The following DISC1 variants were observed in gnomAD, a reference collection of about 807,000 sequenced individuals.
The protein encoded by DISC1 is disrupted in schizophrenia 1 protein.
Under a neutral mutation model 84.5 loss-of-function variants are expected in DISC1, and 57 were observed. The ratio of observed to expected loss-of-function variants is 0.67; its 90% CI spans 0.55 to 0.84. The LOEUF is 0.84. Ranked by LOEUF, DISC1 falls within the 40% of genes least tolerant of loss-of-function variation. The pLI is 0.00. For synonymous variants in DISC1, 411 were observed against 415.2 expected, an observed-to-expected ratio of 0.99 and a Z score of 0.12; for missense variants, 1,000 against 1,057.8, an observed-to-expected ratio of 0.95 and a Z score of 0.76.
chr1:231,851,111 CACTTACTGT>C (rs1272861900), intron 9 of DISC1, among the ~76,000 whole-genome samples: 3 of 152,194 alleles, frequency 2.0e-5, no homozygotes, highest in Non-Finnish European at 4.4e-5. Flanking sequence ...GCTTCTCCTG[CACTTACTGT>C]ACATTCTCAT....
chr1:231,915,942 G>T (rs1005038806), intron 9 of DISC1, among the ~76,000 whole-genome samples: 4 of 152,332 alleles, frequency 2.6e-5, no homozygotes, highest in Admixed American at 2.6e-4. Context: ...CAGTGGACCT[G>T]ACTGACATGA....
chr1:232,031,336 G>A lies in DISC1; in HGVS notation c.2425+4784G>A, dbSNP rs1670025614. Among the ~76,000 whole-genome samples, 1 of 148,456 alleles carries A rather than the reference G, an allele frequency of 6.7e-6. No individual in the cohort carries two copies. Among genetic ancestry groups the A allele is most frequent in the East Asian group, 2.0e-4 (1 of 5,024 alleles). ...GGAAGGAGAGAAAAGGAAAGGAAAA[G>A]GAAAAGAGGAAAGAAAAGGAAAGGG... On this transcript the variant is annotated intron_variant, in intron 12 of 12. Transcript: ENST00000439617. This position sits in a 1 kb window ranked among gnomAD's most constrained non-coding sequence, Gnocchi z 4.6.
intron 9 of DISC1, among the ~76,000 whole-genome samples, chr1:231,824,202 C>CA (rs1390346176): frequency 6.6e-6 from 1 of 152,034 alleles, no homozygotes; most frequent in Non-Finnish European, 1.5e-5. Flanking sequence ...AACAGAGGGC[C>CA]AAGCCGTCTG....
intron 1 of DISC1, among the ~76,000 whole-genome samples, chr1:231,681,464 A>G (rs1207288445): frequency 6.6e-6 from 1 of 151,836 alleles, no homozygotes; most frequent in African/African-American, 2.4e-5. Context: ...CATCAGTACA[A>G]AAAAAAGCTT....
intron 1 of DISC1, among the ~76,000 whole-genome samples, chr1:231,653,218 A>G (rs928485064): frequency 6.6e-6 from 1 of 152,238 alleles, no homozygotes; most frequent in Non-Finnish European, 1.5e-5. Context: ...TCTAAAGCAT[A>G]TATTCTGAAA....
At chr1:231,895,175 A>T (rs1250095595) in intron 9 of DISC1, among the ~76,000 whole-genome samples, 1 of 150,186 alleles carries the variant, frequency 6.7e-6, no homozygotes, top group African/African-American at 2.5e-5. Flanking sequence ...AATTATTGTT[A>T]TCCCACTTTG....
At chr1:231,912,153 G>A (rs1426318763) in intron 9 of DISC1, among the ~76,000 whole-genome samples, 2 of 152,112 alleles carry the variant, frequency 1.3e-5, no homozygotes, top group African/African-American at 2.4e-5. Flanking sequence ...TATTATTACC[G>A]ATCGTTTGAA....
intron 9 of DISC1, among the ~76,000 whole-genome samples, chr1:231,830,463 C>A (rs996375445): frequency 6.6e-6 from 1 of 152,120 alleles, no homozygotes; most frequent in Admixed American, 6.5e-5. Context: ...TCAGCATAGT[C>A]CTGCCAGCAA....
At chr1:231,908,777 C>G (rs575092990) in intron 9 of DISC1, among the ~76,000 whole-genome samples, 1 of 152,238 alleles carries the variant, frequency 6.6e-6, no homozygotes, top group African/African-American at 2.4e-5. Context: ...GCCATTTTCG[C>G]GATATTGATT....
intron 9 of DISC1, among the ~76,000 whole-genome samples, chr1:231,950,239 T>TGTGTGTGTGC (rs1261841568): frequency 6.6e-6 from 1 of 150,614 alleles, no homozygotes; most frequent in Non-Finnish European, 1.5e-5. Context: ...TGTGTGTGTG[T>TGTGTGTGTGC]GTGTGTGTGA....
chr1:231,873,231 A>T (rs2085597815), intron 9 of DISC1, among the ~76,000 whole-genome samples: 3 of 152,328 alleles, frequency 2.0e-5, no homozygotes, highest in Admixed American at 2.0e-4. Flanking sequence ...GTCACTATGA[A>T]AGATTTGGGA....
chr1:231,939,354 G>T (rs961921452), intron 9 of DISC1, among the ~76,000 whole-genome samples: 13 of 152,168 alleles, frequency 8.5e-5, no homozygotes, highest in Non-Finnish European at 1.8e-4. Context: ...ATAAATGAAT[G>T]ACTCCAGCCT....
chr1:231,708,833 A>T (rs1211725524), intron 3 of DISC1, among the ~76,000 whole-genome samples: 2 of 151,390 alleles, frequency 1.3e-5, no homozygotes, highest in Non-Finnish European at 3.0e-5. Context: ...AAAGGAACAG[A>T]TGAGCGCTCT....
intron 3 of DISC1, among the ~76,000 whole-genome samples, chr1:231,719,604 G>C (rs1014747950): frequency 1.3e-5 from 2 of 152,144 alleles, no homozygotes; most frequent in East Asian, 3.8e-4. Flanking sequence ...ATGAGATGGT[G>C]CATGCTAAAT....
intron 9 of DISC1, among the ~76,000 whole-genome samples, chr1:231,832,022 T>C (rs77494379): frequency 0.3 from 44,330 of 149,098 alleles, 6,922 homozygotes; most frequent in Admixed American, 0.35. Flanking sequence ...GGGTGAATGT[T>C]AGGTGGATCA....
At chr1:231,985,174 A>G (rs1033569563) in intron 10 of DISC1, among the ~76,000 whole-genome samples, 2 of 151,514 alleles carry the variant, frequency 1.3e-5, no homozygotes, top group Non-Finnish European at 2.9e-5. Context: ...TACAAAAAAA[A>G]TATTAGCCAG....
At position 231,837,471 on chromosome 1, in the gene DISC1, T is replaced by C. The variant is rs113998365; in HGVS notation, c.1981+18954T>C. 3.6e-3 allele frequency among the ~76,000 whole-genome samples: 541 copies of C among 152,340 alleles called. 4 individuals are homozygous for C. Among genetic ancestry groups the C allele is most frequent in the African/African-American group, 0.013 (534 of 41,568 alleles). On this transcript the variant is annotated intron_variant, in intron 9 of 12. Transcript: ENST00000439617. Reference sequence around the variant, plus strand: ...TCTAAAGCAAATTCTCCTCTGTCTTTTCATTGATTAAATTATATGAAGTCA... The same window carrying C: ...TCTAAAGCAAATTCTCCTCTGTCTTCTCATTGATTAAATTATATGAAGTCA...
chr1:232,039,260 G>A lies in DISC1; in HGVS notation c.*2429G>A, dbSNP rs531881342. On this transcript the variant is annotated 3_prime_UTR_variant, in exon 13 of 13. Coordinates refer to ENST00000439617, the MANE Select transcript of DISC1 (RefSeq NM_018662.3). ...ATTGCCAATAACAAATTCCTACTTCGACATATGTCTTTTCAAAAAGCCTCC... is the reference window on the plus strand; with the variant it reads ...ATTGCCAATAACAAATTCCTACTTCAACATATGTCTTTTCAAAAAGCCTCC... The A allele has an allele frequency of 1.7e-4, 26 of 152,188 alleles. No individual in the cohort carries two copies. Among genetic ancestry groups the A allele is most frequent in the African/African-American group, 6.0e-4 (25 of 41,534 alleles). 9.4% of individuals were successfully genotyped at this position (152,188 alleles called of 1,614,324 possible). A position where few individuals can be genotyped will look rare whatever the true frequency, so the allele number is the denominator to read the frequency against.
intron 9 of DISC1, among the ~76,000 whole-genome samples, chr1:231,833,890 A>G (rs2082424876): frequency 6.6e-6 from 1 of 152,140 alleles, no homozygotes; most frequent in Non-Finnish European, 1.5e-5. Context: ...TGAGGGCTGG[A>G]ATTTAATTTT....
Sources: gnomAD v4.1 joint callset for allele counts (sites outside exome capture counted in the v4.1 genomes callset) on GRCh38, gnomAD v4.1.1 for gene constraint, Gnocchi (gnomAD v3.1) non-coding constraint, MANE v1.5 for transcripts, NCBI Gene and HGNC (gene_info 2026-07-23, HGNC 2026-07-21) for gene names.